OTOA: variants seen among roughly 807,000 people sequenced by gnomAD.
OTOA encodes the protein cancer/testis antigen 108.
In OTOA, 70 loss-of-function variants were observed where a neutral mutation model predicts 110.8. The ratio of observed to expected loss-of-function variants is 0.63; its 90% CI spans 0.52 to 0.77. The LOEUF (loss-of-function observed/expected upper bound fraction) is 0.77. Among genes scored for constraint, OTOA ranks in the 30% least tolerant of loss-of-function variants. The pLI is 0.00. For missense variants in OTOA, 917 were observed against 1,075.8 expected (o/e 0.85, Z 2.06); for synonymous variants, 373 against 431.5 (o/e 0.86, Z 1.68).
chr16:21,719,063 G>C, intron 15 of OTOA, 70 bp from the exon 16 acceptor site: 1 of 1,464,764 alleles, frequency 6.8e-7, no homozygotes, highest in Middle Eastern at 2.2e-4. Flanking sequence ...ATGCCTTCCT[G>C]ATAGGGCCTC....
At chr16:21,720,574 G>A (rs973776909) in intron 17 of OTOA, among the ~76,000 whole-genome samples, 1 of 152,190 alleles carries the variant, frequency 6.6e-6, no homozygotes, top group African/African-American at 2.4e-5. Context: ...TCAGCATTGT[G>A]TGGAAGGCTG....
chr16:21,694,945 T>C (rs1272451288), intron 9 of OTOA, among the ~76,000 whole-genome samples: 1 of 152,172 alleles, frequency 6.6e-6, no homozygotes, highest in Non-Finnish European at 1.5e-5. Context: ...TCTGTCTTTA[T>C]TGCCAGAGTT....
chr16:21,670,055 G>C (rs1018538726), intron 1 of OTOA, among the ~76,000 whole-genome samples: 1 of 152,092 alleles, frequency 6.6e-6, no homozygotes, highest in Admixed American at 6.6e-5. Context: ...GAGCCGGGGA[G>C]GCAGAGGTTG....
rs763653121 is a variant in OTOA at position 21,721,272 on chromosome 16, CACACACAA to C, written c.1807-1629_1807-1622del. The C allele has an allele frequency of 4.6e-4, 206 of 452,392 alleles. 2 individuals carry two copies. Among genetic ancestry groups the C allele is most frequent in the African/African-American group, 1.9e-3 (94 of 49,714 alleles). 28.0% of individuals were successfully genotyped at this position (452,392 alleles called of 1,614,324 possible). A position where few individuals can be genotyped will look rare whatever the true frequency, so the allele number is the denominator to read the frequency against. ...ACACACACACACACACACACACACACACACACAAACAACCAATACAGAGAAAGTAAAAT... is the reference window on the plus strand; with the variant it reads ...ACACACACACACACACACACACACACACAACCAATACAGAGAAAGTAAAAT... On this transcript the variant is annotated intron_variant, in intron 17 of 28. Transcript: ENST00000646100.
intron 13 of OTOA, among the ~76,000 whole-genome samples, chr16:21,711,999 A>C (rs2141691512): frequency 6.6e-6 from 1 of 152,300 alleles, no homozygotes; most frequent in East Asian, 1.9e-4. Flanking sequence ...ACTGTGTCTG[A>C]CCAACTATAC....
At chr16:21,735,061 A>G (rs1899243954) in intron 21 of OTOA, among the ~76,000 whole-genome samples, 1 of 149,082 alleles carries the variant, frequency 6.7e-6, no homozygotes, top group Admixed American at 6.8e-5. Context: ...GAATTACTTG[A>G]GCCTGGGAGG....
intron 6 of OTOA, among the ~76,000 whole-genome samples, chr16:21,682,947 A>T (rs978952073): frequency 2.6e-5 from 4 of 152,200 alleles, no homozygotes; most frequent in Non-Finnish European, 5.9e-5. Context: ...CTTCTTCATC[A>T]GTCAGGGAAA....
intron 17 of OTOA, among the ~76,000 whole-genome samples, chr16:21,720,164 C>G (rs1267443488): frequency 6.6e-6 from 1 of 152,046 alleles, no homozygotes; most frequent in Non-Finnish European, 1.5e-5. Context: ...ATATGTTGCC[C>G]AGGCTGGTCT....
At chr16:21,692,953 A>G (rs540983066) in intron 9 of OTOA, among the ~76,000 whole-genome samples, 2 of 150,228 alleles carry the variant, frequency 1.3e-5, no homozygotes, top group African/African-American at 4.9e-5. Context: ...AAAGAAAGAA[A>G]GAAAAGAAAA....
At chr16:21,731,280 A>G (rs978182100) in intron 21 of OTOA, among the ~76,000 whole-genome samples, 4 of 152,246 alleles carry the variant, frequency 2.6e-5, no homozygotes, top group Admixed American at 2.6e-4. Context: ...TGTCCAGTGT[A>G]TGCAATCACA....
chr16:21,678,406 C>G, intron 1 of OTOA, 105 bp from the exon 2 acceptor site: 1 of 645,024 alleles, frequency 1.6e-6, no homozygotes, highest in Non-Finnish European at 2.4e-6. Flanking sequence ...TTCTGAATGT[C>G]CATATATATA....
chr16:21,726,187 G>T (rs4783415), intron 18 of OTOA, among the ~76,000 whole-genome samples: 2 of 151,956 alleles, frequency 1.3e-5, no homozygotes, highest in Admixed American at 6.6e-5. Flanking sequence ...TCAATGCTCT[G>T]GGGCATAGAA....
intron 14 of OTOA, among the ~76,000 whole-genome samples, chr16:21,716,170 G>A (rs1380570805): frequency 6.6e-6 from 1 of 152,064 alleles, no homozygotes; most frequent in African/African-American, 2.4e-5. Flanking sequence ...TACAGTGCTG[G>A]GATTACAGGT....
chr16:21,699,781 T>C (rs965428402), intron 10 of OTOA, among the ~76,000 whole-genome samples: 1 of 152,068 alleles, frequency 6.6e-6, no homozygotes, highest in Non-Finnish European at 1.5e-5. Flanking sequence ...TAGCCGGGCA[T>C]GTTTGCACAT....
chr16:21,682,359 A>G (rs542687122), intron 6 of OTOA, among the ~76,000 whole-genome samples: 8 of 152,318 alleles, frequency 5.3e-5, no homozygotes, highest in African/African-American at 1.7e-4. Flanking sequence ...CACACATTAG[A>G]TTGGCTCACA....
intron 12 of OTOA, among the ~76,000 whole-genome samples, chr16:21,707,601 CTT>C (rs1420786415): frequency 3.6e-5 from 2 of 55,870 alleles, no homozygotes; most frequent in African/African-American, 1.2e-4. Context: ...CCTTTTCTTT[CTT>C]TCTTTCTTTC....
chr16:21,759,540 CA>C lies in OTOA; in HGVS notation c.3350-928del, dbSNP rs1382136212. On this transcript the variant is annotated intron_variant, in intron 28 of 28. Coordinates refer to ENST00000646100, the MANE Select transcript of OTOA (RefSeq NM_144672.4). ...TGACCTGATATAATTTGCATCTGTG[CA>C]AGTATGTCTGTAGGATAAACTCTTC... is the stretch of plus-strand genomic sequence containing the variant. Among the ~76,000 whole-genome samples the C allele has an allele frequency of 5.5e-4, 83 of 150,328 alleles. 1 individual carries two copies. The highest frequency in any genetic ancestry group is 1.5e-3 in the South Asian group (7 of 4,754).
chr16:21,698,250 T>C (rs1175312082), intron 10 of OTOA, among the ~76,000 whole-genome samples: 1 of 152,160 alleles, frequency 6.6e-6, no homozygotes, highest in Non-Finnish European at 1.5e-5. Flanking sequence ...GATCATGAAC[T>C]CAAAGCAAAA....
chr16:21,678,495 C>A lies in OTOA; in HGVS notation c.-4-16C>A. 1 of 1,581,416 alleles carries A rather than the reference C, an allele frequency of 6.3e-7. No individual in the cohort carries two copies. Among genetic ancestry groups the A allele is most frequent in the Non-Finnish European group, 8.7e-7 (1 of 1,152,286 alleles). On this transcript the variant is annotated splice_polypyrimidine_tract_variant and intron_variant, in intron 1 of 28. Coordinates refer to ENST00000646100, the MANE Select transcript of OTOA (RefSeq NM_144672.4). ...TAAAAAAACATGAATCACTTCTATG[C>A]TTAAATTAACTACAGGAGAATGTCT...
Sources: allele counts gnomAD v4.1 joint callset (sites outside exome capture counted in the v4.1 genomes callset), GRCh38; gene constraint gnomAD v4.1.1; transcripts MANE v1.5; gene names NCBI Gene and HGNC (gene_info 2026-07-23, HGNC 2026-07-21).